The following CYP4X1 variants were observed in gnomAD, a reference collection of about 807,000 sequenced individuals.
CYP4X1 encodes the protein cytochrome P450 family 4 subfamily X member 1.
CYP4X1 carries 44 observed loss-of-function variants against 57.9 expected under a neutral mutation model. That is an observed-to-expected ratio of 0.76 (90% confidence interval 0.60 to 0.98). The LOEUF (loss-of-function observed/expected upper bound fraction) is 0.98, where lower values mean the gene tolerates loss of function less well. CYP4X1 is among the 50% of genes least tolerant of loss of function. The probability of loss-of-function intolerance (pLI) is 0.00; values close to 1 mark genes in which losing one functional copy is unlikely to be tolerated. For synonymous variants in CYP4X1, 227 were observed against 228.6 expected, an observed-to-expected ratio of 0.99 and a Z score of 0.06; for missense variants, 532 against 623.9, an observed-to-expected ratio of 0.85 and a Z score of 1.57.
chr1:46,988,808 T>A, the CYP4X1 span, among the ~76,000 whole-genome samples: 2 of 152,112 alleles, frequency 1.3e-5, no homozygotes, highest in African/African-American at 4.8e-5. Context: ...TCTCAATAGA[T>A]TATCTCAACA....
chr1:47,049,790 C>T (rs916947936), intron 11 of CYP4X1, among the ~76,000 whole-genome samples: 15 of 152,160 alleles, frequency 9.9e-5, no homozygotes, highest in African/African-American at 3.4e-4. Flanking sequence ...CTCCAACTGC[C>T]GCCTTGTTAT....
chr1:47,001,263 T>C, the CYP4X1 span, among the ~76,000 whole-genome samples: 9 of 152,218 alleles, frequency 5.9e-5, no homozygotes, highest in Non-Finnish European at 1.3e-4. Context: ...TCTTAATTCC[T>C]ACCTCTGCTC....
upstream of CYP4X1, among the ~76,000 whole-genome samples, chr1:47,022,715 G>C (rs1644012188): frequency 1.3e-5 from 2 of 152,194 alleles, no homozygotes; most frequent in Non-Finnish European, 2.9e-5. Context: ...AGGGAGAACA[G>C]GGAATTGTAG....
At chr1:46,967,177 G>A in the CYP4X1 span, among the ~76,000 whole-genome samples, 18 of 152,250 alleles carry the variant, frequency 1.2e-4, 1 homozygote, top group South Asian at 1.5e-3. Context: ...TCACTAATAG[G>A]CCTGTAGAGC....
chr1:47,048,196 C>A (rs1043910405), intron 9 of CYP4X1, among the ~76,000 whole-genome samples: 2 of 152,150 alleles, frequency 1.3e-5, no homozygotes, highest in Non-Finnish European at 2.9e-5. Context: ...TTACCGTGAG[C>A]AATGTTCACG....
chr1:47,014,905 G>C, the CYP4X1 span, among the ~76,000 whole-genome samples: 1 of 152,148 alleles, frequency 6.6e-6, no homozygotes, highest in Non-Finnish European at 1.5e-5. Context: ...AGCACAGGTC[G>C]TATAGCCCAC....
rs959124165 is a variant in CYP4X1, at chr1:47,023,741, C to A, written c.-77C>A. 5.9e-6 allele frequency: 9 copies of A among 1,534,482 alleles called. No individual in the cohort carries two copies. Among genetic ancestry groups the A allele is most frequent in the Non-Finnish European group, 7.9e-6 (9 of 1,142,284 alleles). On this transcript the variant is annotated 5_prime_UTR_variant, in exon 1 of 12. Coordinates refer to ENST00000371901, the MANE Select transcript of CYP4X1 (RefSeq NM_178033.2). ...AGAGGCGGTGGGGTGGGCGACCCTA[C>A]GCCAGCTCCGGGCGGGAGAAAGCCC... is the stretch of plus-strand genomic sequence containing the variant.
At chr1:47,001,050 G>A in the CYP4X1 span, 58 of 233,164 alleles carry the variant, frequency 2.5e-4, 1 homozygote, top group Admixed American at 1.4e-3. Flanking sequence ...CCTTAAGCTC[G>A]TTCATGGCAA....
the CYP4X1 span, among the ~76,000 whole-genome samples, chr1:46,969,176 G>T: frequency 6.6e-6 from 1 of 152,090 alleles, no homozygotes; most frequent in South Asian, 2.1e-4. Flanking sequence ...AAGAGTCTGG[G>T]ACTTCCCTGC....
chr1:46,986,925 T>A, the CYP4X1 span, among the ~76,000 whole-genome samples: 12 of 152,194 alleles, frequency 7.9e-5, no homozygotes, highest in East Asian at 2.1e-3. Context: ...TGCAAAAATA[T>A]ACCAAATTGT....
the CYP4X1 span, among the ~76,000 whole-genome samples, chr1:46,991,415 A>C: frequency 6.6e-6 from 1 of 152,282 alleles, no homozygotes; most frequent in East Asian, 1.9e-4. Flanking sequence ...CAGGCTTTTC[A>C]AAGGGAATTC....
the CYP4X1 span, among the ~76,000 whole-genome samples, chr1:46,997,947 T>C: frequency 2.6e-5 from 4 of 152,198 alleles, no homozygotes; most frequent in Non-Finnish European, 1.5e-5. Flanking sequence ...CCTCTGGTGA[T>C]TATTGATGTT....
the CYP4X1 span, among the ~76,000 whole-genome samples, chr1:46,981,739 C>T: frequency 6.6e-6 from 1 of 152,182 alleles, no homozygotes; most frequent in Admixed American, 6.5e-5. Flanking sequence ...ACACAAATGT[C>T]CATCAGTGAT....
the CYP4X1 span, among the ~76,000 whole-genome samples, chr1:46,982,941 T>G: frequency 1.3e-5 from 2 of 152,212 alleles, no homozygotes; most frequent in Admixed American, 1.3e-4. Flanking sequence ...GACTTTTAAC[T>G]GGTCTCTGGG....
chr1:46,969,406 G>C, the CYP4X1 span, among the ~76,000 whole-genome samples: 2 of 152,058 alleles, frequency 1.3e-5, no homozygotes, highest in Non-Finnish European at 2.9e-5. Flanking sequence ...AATGGAACTC[G>C]TCCTGTCCTC....
At chr1:46,966,229 A>G in the CYP4X1 span, among the ~76,000 whole-genome samples, 1 of 152,188 alleles carries the variant, frequency 6.6e-6, no homozygotes, top group East Asian at 1.9e-4. Context: ...ACAGAATGAC[A>G]GTGCTTGGCT....
chr1:46,999,787 A>G, the CYP4X1 span, among the ~76,000 whole-genome samples: 1 of 151,774 alleles, frequency 6.6e-6, no homozygotes, highest in African/African-American at 2.4e-5. Context: ...ATGGTATAGG[A>G]AAGGGTCCAT....
At chr1:46,984,610 G>A in the CYP4X1 span, among the ~76,000 whole-genome samples, 2 of 152,046 alleles carry the variant, frequency 1.3e-5, no homozygotes, top group East Asian at 3.9e-4. Context: ...AAGGGGTCAG[G>A]GAACTCCCTC....
upstream of CYP4X1, chr1:47,023,511 A>C (rs879391946): frequency 7.1e-6 from 8 of 1,120,890 alleles, no homozygotes; most frequent in Non-Finnish European, 7.6e-6. Flanking sequence ...TTTACAATAT[A>C]AATTCAGATC....
Sources: allele counts gnomAD v4.1 joint callset (sites outside exome capture counted in the v4.1 genomes callset), GRCh38; gene constraint gnomAD v4.1.1; transcripts MANE v1.5; gene names NCBI Gene and HGNC (gene_info 2026-07-23, HGNC 2026-07-21).